The following STAM variants were observed in gnomAD, a reference collection of about 807,000 sequenced individuals.
STAM encodes signal transducing adapter molecule 1.
In STAM, 16 loss-of-function variants were observed where a neutral mutation model predicts 63.4. The ratio of observed to expected loss-of-function variants is 0.25; its 90% confidence interval spans 0.17 to 0.38. STAM has a LOEUF of 0.38. Ranked by LOEUF, STAM falls within the 10% of genes least tolerant of loss-of-function variation. The pLI is 1.00. For missense variants in STAM, 636 were observed against 657.1 expected, an observed-to-expected ratio of 0.97 and a Z score of 0.35; for synonymous variants, 238 against 223.9, an observed-to-expected ratio of 1.06 and a Z score of -0.56.
intron 4 of STAM, among the ~76,000 whole-genome samples, chr10:17,686,830 A>C (rs1554826143): frequency 6.6e-6 from 1 of 152,214 alleles, no homozygotes; most frequent in African/African-American, 2.4e-5. Context: ...TAATAGAGTA[A>C]TCTAAAAGTC....
At chr10:17,691,778 T>G (rs981919074) in intron 5 of STAM, among the ~76,000 whole-genome samples, 1 of 152,198 alleles carries the variant, frequency 6.6e-6, no homozygotes, top group African/African-American at 2.4e-5. Flanking sequence ...GTGTTCTAAG[T>G]GCTGTACATG....
At chr10:17,702,836 C>T (rs1589105176) in intron 9 of STAM, among the ~76,000 whole-genome samples, 1 of 151,928 alleles carries the variant, frequency 6.6e-6, no homozygotes, top group Admixed American at 6.6e-5. Flanking sequence ...GGTGAAACCC[C>T]GTCTCTACTA....
chr10:17,662,642 G>T (rs1834218335), intron 2 of STAM, among the ~76,000 whole-genome samples: 1 of 152,184 alleles, frequency 6.6e-6, no homozygotes, highest in African/African-American at 2.4e-5. Flanking sequence ...GAATGCCTGG[G>T]TTCAAATCTT....
At chr10:17,704,397 G>A (rs781981248) in intron 9 of STAM, 34 bp from the exon 10 acceptor site, 2 of 1,574,788 alleles carry the variant, frequency 1.3e-6, no homozygotes, top group African/African-American at 2.7e-5. Flanking sequence ...CTAAAGGTTG[G>A]TAGCTTTTTA....
intron 1 of STAM, among the ~76,000 whole-genome samples, chr10:17,657,347 G>C (rs1833982377): frequency 6.6e-6 from 1 of 152,134 alleles, no homozygotes; most frequent in African/African-American, 2.4e-5. Context: ...CTCCTGCCCT[G>C]CTCGTACCTG....
chr10:17,659,796 G>GT (rs1400724946), intron 1 of STAM, among the ~76,000 whole-genome samples: 3 of 152,002 alleles, frequency 2.0e-5, no homozygotes, highest in Admixed American at 2.0e-4. Flanking sequence ...GTAGATACAA[G>GT]TTTCTGACTT....
chr10:17,712,704 C>A (rs1836609752), intron 13 of STAM, among the ~76,000 whole-genome samples: 1 of 152,170 alleles, frequency 6.6e-6, no homozygotes, highest in Non-Finnish European at 1.5e-5. Flanking sequence ...CATAGCTAAC[C>A]TAGTGTCTTA....
chr10:17,662,359 T>C (rs1834206102), intron 2 of STAM, among the ~76,000 whole-genome samples: 1 of 152,204 alleles, frequency 6.6e-6, no homozygotes, highest in Non-Finnish European at 1.5e-5. Context: ...GTGTCTCATA[T>C]CCTTTCAGAC....
At chr10:17,682,710 G>A (rs1201342663) in intron 2 of STAM, among the ~76,000 whole-genome samples, 2 of 152,142 alleles carry the variant, frequency 1.3e-5, no homozygotes, top group Admixed American at 6.5e-5. Context: ...GAAAAAAAAT[G>A]TGTATAATGC....
intron 2 of STAM, among the ~76,000 whole-genome samples, chr10:17,664,512 A>C (rs1309098562): frequency 2.0e-5 from 3 of 152,086 alleles, no homozygotes; most frequent in Non-Finnish European, 2.9e-5. Context: ...CAACTTATAG[A>C]AATCTGGTTT....
intron 1 of STAM, among the ~76,000 whole-genome samples, chr10:17,650,893 A>G (rs933888589): frequency 5.9e-5 from 9 of 151,876 alleles, no homozygotes; most frequent in Admixed American, 4.6e-4. Flanking sequence ...GTGAAACCCC[A>G]TCTCTACTAA....
At chr10:17,668,554 G>C (rs1834494762) in intron 2 of STAM, among the ~76,000 whole-genome samples, 1 of 152,146 alleles carries the variant, frequency 6.6e-6, no homozygotes, top group East Asian at 1.9e-4. Context: ...CCACGTATCT[G>C]TCATTACAGT....
intron 9 of STAM, among the ~76,000 whole-genome samples, chr10:17,703,103 AC>A (rs1836088856): frequency 2.6e-5 from 4 of 151,960 alleles, no homozygotes; most frequent in Admixed American, 2.6e-4. Context: ...CTTCTTTGAC[AC>A]TAAATAATTT....
At chr10:17,690,996 A>G (rs1437106122) in intron 5 of STAM, among the ~76,000 whole-genome samples, 1 of 152,230 alleles carries the variant, frequency 6.6e-6, no homozygotes, top group Non-Finnish European at 1.5e-5. Context: ...TTCTTCACAC[A>G]CCATAAAAGT....
rs1554830946 is a variant in STAM, at chr10:17,716,271, T to G, written c.*1491T>G. Among the ~76,000 whole-genome samples the G allele has an allele frequency of 1.3e-5, 2 of 152,094 alleles. No individual in the cohort carries two copies. Among genetic ancestry groups the G allele is most frequent in the East Asian group, 3.9e-4 (2 of 5,182 alleles). ...TGTTGTAATCAGGTAGCTTGTTTATTTTCTTTTTGAGAGAAGATTAAATCT... is the reference window on the plus strand; with the variant it reads ...TGTTGTAATCAGGTAGCTTGTTTATGTTCTTTTTGAGAGAAGATTAAATCT... On this transcript the variant is annotated 3_prime_UTR_variant, in exon 14 of 14. Coordinates refer to ENST00000377524, the MANE Select transcript of STAM (RefSeq NM_003473.4).
chr10:17,671,861 A>G (rs1834652867), intron 2 of STAM, among the ~76,000 whole-genome samples: 1 of 152,152 alleles, frequency 6.6e-6, no homozygotes, highest in Non-Finnish European at 1.5e-5. Context: ...CCTCATTTTG[A>G]AAAGTTGATT....
chr10:17,713,519 C>T (rs1277890580), intron 13 of STAM, among the ~76,000 whole-genome samples: 1 of 152,130 alleles, frequency 6.6e-6, no homozygotes, highest in Non-Finnish European at 1.5e-5. Context: ...CTCCCACCCC[C>T]GAGTCTACTA....
intron 2 of STAM, among the ~76,000 whole-genome samples, chr10:17,661,246 C>T (rs1834153766): frequency 6.6e-6 from 1 of 152,188 alleles, no homozygotes; most frequent in Non-Finnish European, 1.5e-5. Flanking sequence ...GTTTCATTTA[C>T]TGCTTTATGC....
chr10:17,714,682 C>T lies in STAM; in HGVS notation c.1525C>T (p.Pro509Ser), dbSNP rs375357156. 1.5e-5 allele frequency: 25 copies of T among 1,613,954 alleles called. No homozygotes were observed. Among genetic ancestry groups the T allele is most frequent in the Non-Finnish European group, 2.0e-5 (24 of 1,180,014 alleles). The stretch of plus-strand genomic sequence containing the variant: ...TGCAGGACCTAATATGCCCCAGGTG[C>T]CAAACTATAACTTAACATCATCAAC... ...QNAGPNMPQV[P>S]NYNLTSSTLP... The change falls in exon 14 of 14, where the codon CCA becomes TCA. Residue 509 changes from proline (P) to serine (S), a missense_variant. This residue lies in a region of STAM where 532 missense variants were observed against 536.9 expected (regional missense o/e 0.99). Transcript: ENST00000377524.
Sources: gnomAD v4.1 joint callset for allele counts (sites outside exome capture counted in the v4.1 genomes callset) on GRCh38, gnomAD v4.1.1 for gene constraint, gnomAD v4.1.1 regional missense constraint, MANE v1.5 for transcripts, NCBI Gene and HGNC (gene_info 2026-07-23, HGNC 2026-07-21) for gene names.